The following MAGI2 variants were observed in gnomAD, a reference collection of about 807,000 sequenced individuals.
MAGI2 encodes membrane-associated guanylate kinase, WW and PDZ domain-containing protein 2.
In MAGI2, 35 loss-of-function variants were observed where a neutral mutation model predicts 133.3. The ratio of observed to expected loss-of-function variants is 0.26; its 90% CI spans 0.20 to 0.35. MAGI2 has a LOEUF of 0.35. Among genes scored for constraint, MAGI2 ranks in the 10% least tolerant of loss-of-function variants. The pLI is 1.00. For synonymous variants in MAGI2, 729 were observed against 710.6 expected, an observed-to-expected ratio of 1.03 and a Z score of -0.41; for missense variants, 1,636 against 1,863.4, an observed-to-expected ratio of 0.88 and a Z score of 2.25.
intron 9 of MAGI2, among the ~76,000 whole-genome samples, chr7:78,262,300 C>T (rs1302252671): frequency 1.3e-5 from 2 of 151,990 alleles, no homozygotes; most frequent in Non-Finnish European, 2.9e-5. Context: ...TTTGTTTATT[C>T]TTATGTGTTA....
intron 1 of MAGI2, among the ~76,000 whole-genome samples, chr7:79,183,332 A>G (rs1826781520): frequency 6.6e-6 from 1 of 152,020 alleles, no homozygotes; most frequent in East Asian, 1.9e-4. Context: ...ATGTAAAAAT[A>G]TAAAAAATAC....
rs6944523 is a variant in MAGI2 at position 78,611,927 on chromosome 7, G to T, written c.538+15193C>A. ...AACTGGACCACTCCAACTACCCCCA[G>T]AAGCTTCTGTCTATAATCCAAACTC... On this transcript the variant is annotated intron_variant, in intron 3 of 21. Transcript: ENST00000354212. Among the ~76,000 whole-genome samples, 1,506 of 152,250 alleles carry T rather than the reference G, an allele frequency of 9.9e-3. 29 individuals carry two copies. The highest frequency in any genetic ancestry group is 0.034 in the African/African-American group (1,426 of 41,536).
intron 6 of MAGI2, among the ~76,000 whole-genome samples, chr7:78,479,601 C>T (rs559716190): frequency 3.3e-5 from 5 of 151,964 alleles, no homozygotes; most frequent in East Asian, 3.9e-4. Flanking sequence ...CCACAGCCTA[C>T]GAAACAGGCC....
chr7:78,239,720 C>T (rs1350146688), intron 10 of MAGI2, among the ~76,000 whole-genome samples: 1 of 152,196 alleles, frequency 6.6e-6, no homozygotes, highest in East Asian at 1.9e-4. Flanking sequence ...CGCCTCGCTC[C>T]TGTTAGAATA....
intron 1 of MAGI2, among the ~76,000 whole-genome samples, chr7:79,245,133 G>A (rs1832728635): frequency 6.6e-6 from 1 of 152,222 alleles, no homozygotes; most frequent in Admixed American, 6.5e-5. Context: ...TACCCAGGCA[G>A]TACTCACAAT....
chr7:78,167,995 G>C lies in MAGI2; in HGVS notation c.2517C>G (p.Arg839=). Residue 839 remains arginine, a synonymous_variant, in exon 15 of 22, where the codon CGC becomes CGG. Transcript: ENST00000354212. ...DGIPVAGKTH[R]YVIDLMHHAA... is the part of the protein sequence containing the mutation. ...CGTGGTGCATGAGGTCGATGACATAGCGGTGGGTTTTGCCGGCTACTGGAA... is the reference window on the plus strand; with the variant it reads ...CGTGGTGCATGAGGTCGATGACATACCGGTGGGTTTTGCCGGCTACTGGAA... The C allele has an allele frequency of 6.2e-7, 1 of 1,614,160 alleles. No homozygotes were observed.
At chr7:78,518,094 G>A (rs1007066838) in intron 4 of MAGI2, 1 of 151,850 alleles carries the variant, frequency 6.6e-6, no homozygotes, top group Admixed American at 6.6e-5. Context: ...TATATATAAA[G>A]CCAAATATTG....
chr7:79,031,399 T>G (rs1810562598), intron 1 of MAGI2, among the ~76,000 whole-genome samples: 1 of 152,216 alleles, frequency 6.6e-6, no homozygotes, highest in Non-Finnish European at 1.5e-5. Context: ...ATGGATGAAA[T>G]ACAAAGCATT....
chr7:78,524,480 T>C (rs1796781992), intron 3 of MAGI2, among the ~76,000 whole-genome samples: 1 of 152,112 alleles, frequency 6.6e-6, no homozygotes, highest in African/African-American at 2.4e-5. Context: ...ATGCCATTGC[T>C]CATCACTATA....
chr7:78,385,028 C>T (rs755057644), intron 6 of MAGI2, among the ~76,000 whole-genome samples: 1 of 152,128 alleles, frequency 6.6e-6, no homozygotes, highest in Non-Finnish European at 1.5e-5. Flanking sequence ...TGCCGTGAAA[C>T]GCATGGATCC....
intron 1 of MAGI2, among the ~76,000 whole-genome samples, chr7:79,341,542 C>A (rs2129100571): frequency 6.6e-6 from 1 of 152,126 alleles, no homozygotes; most frequent in Non-Finnish European, 1.5e-5. Context: ...GCTTTACCAA[C>A]AAAAATAAAA....
chr7:79,285,207 C>T (rs972304362), intron 1 of MAGI2, among the ~76,000 whole-genome samples: 1 of 151,984 alleles, frequency 6.6e-6, no homozygotes, highest in East Asian at 1.9e-4. Flanking sequence ...AAATTAAAGT[C>T]CCAGTTTAAA....
In MAGI2 at chr7:78,501,423, G is replaced by A. The variant is rs7787810; in HGVS notation, c.965+154C>T. 0.018 allele frequency among the ~76,000 whole-genome samples: 2,789 copies of A among 151,606 alleles called. 80 individuals carry two copies. Among genetic ancestry groups the A allele is most frequent in the African/African-American group, 0.064 (2,646 of 41,294 alleles). ...ATTCTAGGAGGCTTAACTGTATTAA[G>A]GCACTATCCCACTATTCTCTCACAA... On this transcript the variant is annotated intron_variant, in intron 5 of 21. Coordinates refer to ENST00000354212, the MANE Select transcript of MAGI2 (RefSeq NM_012301.4).
intron 1 of MAGI2, among the ~76,000 whole-genome samples, chr7:79,091,900 G>A (rs989681249): frequency 4.0e-5 from 6 of 151,860 alleles, no homozygotes; most frequent in African/African-American, 1.5e-4. Context: ...ACCACAGTCA[G>A]TGCATGGGCC....
chr7:79,020,610 C>T (rs1406306719), intron 1 of MAGI2, among the ~76,000 whole-genome samples: 1 of 151,762 alleles, frequency 6.6e-6, no homozygotes, highest in Non-Finnish European at 1.5e-5. Context: ...TCTAAAAATA[C>T]AAAAAATTAG....
At chr7:79,025,943 T>A (rs1809843718) in intron 1 of MAGI2, among the ~76,000 whole-genome samples, 1 of 152,218 alleles carries the variant, frequency 6.6e-6, no homozygotes, top group Non-Finnish European at 1.5e-5. Flanking sequence ...TGACAGTGAA[T>A]TATATTATAA....
chr7:78,035,185 AGGAGCCACGGTGGCC>A (rs1464119982), intron 21 of MAGI2: 1 of 153,800 alleles, frequency 6.5e-6, no homozygotes, highest in Non-Finnish European at 1.4e-5. Flanking sequence ...AGATGAGATG[AGGAGCCACGGTGGCC>A]GGCAGGGCTG....
At chr7:78,461,193 G>A (rs1432664217) in intron 6 of MAGI2, among the ~76,000 whole-genome samples, 1 of 151,948 alleles carries the variant, frequency 6.6e-6, no homozygotes, top group Non-Finnish European at 1.5e-5. Flanking sequence ...AGTGCCTACT[G>A]TTTGCGAAGA....
At chr7:78,325,059 G>A (rs1418796649) in intron 9 of MAGI2, among the ~76,000 whole-genome samples, 5 of 152,126 alleles carry the variant, frequency 3.3e-5, no homozygotes, top group Non-Finnish European at 4.4e-5. Context: ...TCTCCCATCT[G>A]AGAAACCAAA....
Sources: gnomAD v4.1 joint callset for allele counts (sites outside exome capture counted in the v4.1 genomes callset) on GRCh38, gnomAD v4.1.1 for gene constraint, MANE v1.5 for transcripts, NCBI Gene and HGNC (gene_info 2026-07-23, HGNC 2026-07-21) for gene names.